Variants in TPCN2 observed in about 807,000 individuals in gnomAD.
TPCN2 encodes two pore channel protein 2.
A neutral mutation model predicts 111.4 loss-of-function variants in TPCN2; 92 were observed. The observed-to-expected ratio is 0.83, with a 90% CI of 0.70 to 0.98. The LOEUF is 0.98. Among genes scored for constraint, TPCN2 ranks in the 50% least tolerant of loss-of-function variants. The pLI is 0.00. For missense variants in TPCN2, 995 were observed against 980.1 expected, an observed-to-expected ratio of 1.02 and a Z score of -0.20; for synonymous variants, 405 against 414.5, an observed-to-expected ratio of 0.98 and a Z score of 0.28.
At chr11:69,079,079 G>C (rs766211564) in intron 16 of TPCN2, 59 bp downstream of exon 16, 9 of 1,557,586 alleles carry the variant, frequency 5.8e-6, no homozygotes, top group Non-Finnish European at 7.8e-6. Context: ...CGCCACCTGG[G>C]CTCTGTGCTG....
chr11:69,081,224 C>T (rs1565093818), intron 17 of TPCN2, among the ~76,000 whole-genome samples, 176 bp from the exon 18 acceptor site: 1 of 152,198 alleles, frequency 6.6e-6, no homozygotes, highest in East Asian at 1.9e-4. Context: ...GTAGCCCAGG[C>T]CCCGCCCTCT....
At chr11:69,050,261 C>T (rs964980365) in intron 1 of TPCN2, among the ~76,000 whole-genome samples, 5 of 152,200 alleles carry the variant, frequency 3.3e-5, no homozygotes, top group Admixed American at 2.6e-4. Context: ...TCTGGCAGGC[C>T]CCTTGATGAG....
chr11:69,057,220 G>A (rs544785222), intron 4 of TPCN2, among the ~76,000 whole-genome samples: 1 of 152,374 alleles, frequency 6.6e-6, no homozygotes, highest in Admixed American at 6.5e-5. Context: ...TGCTGTGGCG[G>A]CGGAGACCTG....
chr11:69,082,935 T>C (rs35908618), intron 18 of TPCN2, among the ~76,000 whole-genome samples: 30 of 136,264 alleles, frequency 2.2e-4, no homozygotes, highest in East Asian at 5.0e-4. Context: ...CCGTGTAAGA[T>C]GCATGATCGT....
At chr11:69,055,985 A>G (rs1337961824) in intron 4 of TPCN2, among the ~76,000 whole-genome samples, 1 of 152,214 alleles carries the variant, frequency 6.6e-6, no homozygotes, top group Admixed American at 6.5e-5. Flanking sequence ...CCTGTGACGC[A>G]CGTCCTCCCA....
In TPCN2 at chr11:69,071,427, G is replaced by C. The variant is rs1301455308; in HGVS notation, c.960+7G>C. On this transcript the variant is annotated splice_region_variant and intron_variant, in intron 10 of 24. Coordinates refer to ENST00000294309, the MANE Select transcript of TPCN2 (RefSeq NM_139075.4). ...GTTCCGGGGCTACCTGATGGTGAGC[G>C]AGCTCCCCAATGCTGGCTGTGCCTG... The C allele has an allele frequency of 6.2e-7, 1 of 1,610,754 alleles. No homozygotes were observed. The highest frequency in any genetic ancestry group is 8.5e-7 in the Non-Finnish European group (1 of 1,178,098).
At position 69,056,363 on chromosome 11, in the gene TPCN2, C is replaced by T. The variant is rs536754413; in HGVS notation, c.429+1011C>T. On this transcript the variant is annotated intron_variant, in intron 4 of 24. Coordinates refer to ENST00000294309, the MANE Select transcript of TPCN2 (RefSeq NM_139075.4). ...GGCCCCGGGCAGTTTCTCATTTCTT[C>T]CTTTGTAGCTTATCATGTGGTTAGC... 1.9e-4 allele frequency among the ~76,000 whole-genome samples: 29 copies of T among 152,282 alleles called. 1 individual carries two copies. Among genetic ancestry groups the T allele is most frequent in the African/African-American group, 6.3e-4 (26 of 41,556 alleles).
chr11:69,075,220 A>T (rs926425839), intron 13 of TPCN2, among the ~76,000 whole-genome samples: 2 of 151,492 alleles, frequency 1.3e-5, no homozygotes, highest in African/African-American at 4.9e-5. Flanking sequence ...TGGTTTTCTG[A>T]CTCCTTCTTT....
chr11:69,057,973 C>T (rs1316526933), intron 5 of TPCN2, among the ~76,000 whole-genome samples: 1 of 152,232 alleles, frequency 6.6e-6, no homozygotes, highest in African/African-American at 2.4e-5. Context: ...ACTTCTGCCT[C>T]CCGGCTCTCC....
At chr11:69,084,847 G>A (rs7948596) in intron 19 of TPCN2, 478,525 of 976,030 alleles carry the variant, frequency 0.49, 119,148 homozygotes, top group Non-Finnish European at 0.51. Flanking sequence ...GCCCAGAAAG[G>A]GGACCAGGTT....
chr11:69,050,289 C>G (rs893510324), intron 1 of TPCN2, among the ~76,000 whole-genome samples: 6 of 152,232 alleles, frequency 3.9e-5, no homozygotes, highest in African/African-American at 1.4e-4. Context: ...GCATATGGCA[C>G]CGTTCAGGGA....
In TPCN2 at chr11:69,079,830, A is replaced by G. The variant is rs771648954; in HGVS notation, c.1540-4A>G. 1.2e-6 allele frequency: 2 copies of G among 1,613,288 alleles called. No homozygotes were observed. The highest frequency in any genetic ancestry group is 1.7e-5 in the Admixed American group (1 of 59,958). On this transcript the variant is annotated splice_region_variant and splice_polypyrimidine_tract_variant and intron_variant, in intron 16 of 24. Coordinates refer to ENST00000294309, the MANE Select transcript of TPCN2 (RefSeq NM_139075.4). The stretch of plus-strand genomic sequence containing the variant: ...CGAAGCCTTCTTTTCTTTTGTAATT[A>G]AAGGTTTTGGAGATCTCAACTCTGG...
chr11:69,075,416 C>T (rs979871664), intron 13 of TPCN2, among the ~76,000 whole-genome samples: 10 of 152,192 alleles, frequency 6.6e-5, no homozygotes, highest in African/African-American at 2.4e-4. Flanking sequence ...CTTGGAATAC[C>T]TAGCACCTAG....
chr11:69,082,430 C>T (rs1023481223), intron 18 of TPCN2, among the ~76,000 whole-genome samples: 2 of 152,410 alleles, frequency 1.3e-5, no homozygotes, highest in African/African-American at 4.8e-5. Context: ...TACATTAATA[C>T]GCACGCCCGC....
intron 13 of TPCN2, among the ~76,000 whole-genome samples, chr11:69,076,947 C>T: frequency 9.7e-6 from 1 of 102,622 alleles, no homozygotes; most frequent in African/African-American, 4.3e-5. Context: ...ACCTGCCCTC[C>T]TGCTGTGTCC....
intron 5 of TPCN2, among the ~76,000 whole-genome samples, chr11:69,061,893 A>G (rs1473711092): frequency 6.6e-6 from 1 of 152,036 alleles, no homozygotes; most frequent in Non-Finnish European, 1.5e-5. Flanking sequence ...CTGTCCTCAC[A>G]GAAGGAAGGC....
intron 3 of TPCN2, 137 bp downstream of exon 3, chr11:69,054,934 C>T: frequency 2.1e-6 from 2 of 941,472 alleles, no homozygotes; most frequent in Middle Eastern, 2.2e-4. Context: ...TACCATCATC[C>T]TCTCTGGAAA....
rs775676531 is a variant in TPCN2 at position 69,071,413 on chromosome 11, A to G, written c.953A>G (p.Tyr318Cys). The G allele has an allele frequency of 1.9e-6, 3 of 1,613,392 alleles. No homozygotes were observed. In the South Asian group the frequency reaches 3.3e-5, roughly 18 times the overall value. The change falls in exon 10 of 25, where the codon TAC (tyrosine) becomes TGC (cysteine). Residue 318 changes from tyrosine (Y) to cysteine (C), a missense_variant. Transcript: ENST00000294309. ...TAIIYSQFRG[Y>C]LMKSLQTSLF... ...ATCATCTACAGTCAGTTCCGGGGCT[A>G]CCTGATGGTGAGCGAGCTCCCCAAT...
Position 69,070,416 on chromosome 11 carries a change from C to A in TPCN2, c.830-14C>A. The A allele has an allele frequency of 6.2e-7, 1 of 1,606,570 alleles. No individual in the cohort carries two copies. Among genetic ancestry groups the A allele is most frequent in the Non-Finnish European group, 8.5e-7 (1 of 1,176,262 alleles). On this transcript the variant is annotated splice_polypyrimidine_tract_variant and intron_variant, in intron 8 of 24. Coordinates refer to ENST00000294309, the MANE Select transcript of TPCN2 (RefSeq NM_139075.4). ...CTGAGGTTGTCAGTTTCTGTTATTT[C>A]TTTTTTCTTTTAGTGATGATTCCTG...
Sources: allele counts gnomAD v4.1 joint callset (sites outside exome capture counted in the v4.1 genomes callset), GRCh38; gene constraint gnomAD v4.1.1; transcripts MANE v1.5; gene names NCBI Gene and HGNC (gene_info 2026-07-23, HGNC 2026-07-21).